The following EIF2AK4 variants were observed in gnomAD, a reference collection of about 807,000 sequenced individuals.
The protein encoded by EIF2AK4 is eukaryotic translation initiation factor 2 alpha kinase 4.
Under a neutral mutation model 211.1 loss-of-function variants are expected in EIF2AK4, and 139 were observed. That is an observed-to-expected ratio of 0.66 (90% CI 0.57 to 0.76). EIF2AK4 has a LOEUF of 0.76. Among genes scored for constraint, EIF2AK4 ranks in the 30% least tolerant of loss-of-function variants. EIF2AK4 has a pLI of 0.00. For synonymous variants in EIF2AK4, 710 were observed against 751.3 expected (o/e 0.94, Z 0.90); for missense variants, 1,664 against 2,043.8 (o/e 0.81, Z 3.58).
intron 15 of EIF2AK4, 66 bp downstream of exon 15, chr15:39,988,171 A>G: frequency 6.4e-7 from 1 of 1,570,754 alleles, no homozygotes; most frequent in Non-Finnish European, 8.7e-7. Context: ...GCATAAAAAT[A>G]TCAAATGTAA....
In EIF2AK4 at chr15:40,008,196, G is replaced by T. The variant is rs756902589; in HGVS notation, c.3576+1G>T. 2.5e-6 allele frequency: 4 copies of T among 1,585,184 alleles called. No individual in the cohort carries two copies. Among genetic ancestry groups the T allele is most frequent in the Non-Finnish European group, 3.4e-6 (4 of 1,168,650 alleles). On this transcript the variant is annotated splice_donor_variant, in intron 25 of 38. Coordinates refer to ENST00000263791, the MANE Select transcript of EIF2AK4 (RefSeq NM_001013703.4). LOFTEE classifies it high-confidence loss of function. The stretch of plus-strand genomic sequence containing the variant: ...CATCCAAGAGTTTCCAGCACTTCAG[G>T]TTCCTTTCCATATTTTAACATTCCA...
chr15:39,970,381 CA>C (rs1248977130), intron 9 of EIF2AK4, among the ~76,000 whole-genome samples: 1 of 152,136 alleles, frequency 6.6e-6, no homozygotes, highest in Non-Finnish European at 1.5e-5. Context: ...AGTTGAGTTA[CA>C]GTTGATAACG....
chr15:39,943,614 TTAA>T (rs2034179890), intron 3 of EIF2AK4, 129 bp downstream of exon 3: 1 of 710,160 alleles, frequency 1.4e-6, no homozygotes, highest in Non-Finnish European at 2.3e-6. Flanking sequence ...TTTTATTTAT[TTAA>T]TAGGATTAAT....
intron 3 of EIF2AK4, among the ~76,000 whole-genome samples, chr15:39,948,627 A>G (rs2034262337): frequency 6.6e-6 from 1 of 152,184 alleles, no homozygotes; most frequent in Non-Finnish European, 1.5e-5. Context: ...AGGCCTTTAA[A>G]TATTTGCCTC....
chr15:39,946,874 A>G (rs933055973), intron 3 of EIF2AK4: 4 of 558,292 alleles, frequency 7.2e-6, no homozygotes, highest in Non-Finnish European at 1.3e-5. Context: ...TTTTAGCAAT[A>G]AAGTATTTTA....
chr15:40,017,277 T>C, intron 29 of EIF2AK4, 35 bp downstream of exon 29: 1 of 1,569,074 alleles, frequency 6.4e-7, no homozygotes, highest in South Asian at 1.1e-5. Flanking sequence ...TGCTCTGACT[T>C]AATTTTATTT....
chr15:39,994,221 G>A (rs1465703498), intron 18 of EIF2AK4, among the ~76,000 whole-genome samples: 2 of 152,240 alleles, frequency 1.3e-5, no homozygotes, highest in Non-Finnish European at 2.9e-5. Context: ...GTGAGAATCA[G>A]AAGGATAAAT....
chr15:40,022,715 T>C (rs2035408500), intron 32 of EIF2AK4, 110 bp downstream of exon 32: 2 of 848,820 alleles, frequency 2.4e-6, no homozygotes, highest in African/African-American at 1.8e-5. Context: ...CCGTTCCCTC[T>C]ACTCTCCCTT....
chr15:40,032,766 C>T lies in EIF2AK4; in HGVS notation c.4738C>T (p.Pro1580Ser). Residue 1580 changes from proline (P) to serine (S), a missense_variant, in exon 37 of 39, where the codon CCC becomes TCC. Physicochemically the swap from Pro to Ser is moderately conservative, Grantham distance 74. Around this residue, in one of 7 missense-constraint regions of EIF2AK4, gnomAD observed 138 missense variants for 165.1 expected, o/e 0.84. Transcript: ENST00000263791. ...SEIEILAVDLPKETILQFLSL... is the reference protein window; with the variant it reads ...SEIEILAVDLSKETILQFLSL... ...TTGTGTGTATTCACAGGTGGATCTA[C>T]CCAAAGAAACAATATTACAGTTTTT... 6.2e-7 allele frequency: 1 copy of T among 1,613,474 alleles called. No individual in the cohort carries two copies. Among genetic ancestry groups the T allele is most frequent in the South Asian group, 1.1e-5 (1 of 90,990 alleles).
intron 23 of EIF2AK4, among the ~76,000 whole-genome samples, chr15:40,004,288 C>T (rs889189704): frequency 1.2e-4 from 19 of 152,202 alleles, no homozygotes; most frequent in Admixed American, 4.6e-4. Flanking sequence ...AAGAAAAACA[C>T]ATCAGTGTAT....
At chr15:40,026,730 G>A (rs1300854171) in intron 33 of EIF2AK4, among the ~76,000 whole-genome samples, 2 of 152,124 alleles carry the variant, frequency 1.3e-5, no homozygotes, top group African/African-American at 4.8e-5. Flanking sequence ...ATAATATTTT[G>A]TCCGTGTACT....
In EIF2AK4 at chr15:39,964,986, G is replaced by A. The variant is rs369548255; in HGVS notation, c.860-700G>A. Reference sequence around the variant, plus strand: ...TAATCTATAATGATCTCGATGGCTTGTTCTCTATTTTCATATTCTTTCTGT... The same window carrying A: ...TAATCTATAATGATCTCGATGGCTTATTCTCTATTTTCATATTCTTTCTGT... On this transcript the variant is annotated intron_variant, in intron 7 of 38. Transcript: ENST00000263791. 1.6e-4 allele frequency among the ~76,000 whole-genome samples: 24 copies of A among 152,170 alleles called. No individual in the cohort carries two copies. The East Asian group carries it at 1.9e-3, about 12-fold the overall frequency.
At chr15:40,026,286 T>G (rs1367046984) in intron 33 of EIF2AK4, among the ~76,000 whole-genome samples, 197 bp downstream of exon 33, 1 of 152,026 alleles carries the variant, frequency 6.6e-6, no homozygotes, top group African/African-American at 2.4e-5. Flanking sequence ...AAGACCCCAT[T>G]TCTAAAAAAA....
At chr15:40,007,293 C>G (rs1278582856) in intron 24 of EIF2AK4, among the ~76,000 whole-genome samples, 1 of 152,188 alleles carries the variant, frequency 6.6e-6, no homozygotes, top group Non-Finnish European at 1.5e-5. Flanking sequence ...CATGTTCCCA[C>G]AGTCTATTCT....
rs375593874 is a variant in EIF2AK4 at position 40,011,339 on chromosome 15, C to G, written c.3752C>G (p.Ser1251Cys). Residue 1251 changes from serine to cysteine, a missense_variant, in exon 27 of 39, where the codon TCT becomes TGT. This residue lies in a region of EIF2AK4 where 622 missense variants were observed against 796.8 expected (regional missense o/e 0.78). Transcript: ENST00000263791. ...EAKFCNLSLS[S>C]NSLCRLYKFI... ...AAATTTTGTAATCTGTCTTTGTCTT[C>G]TAATAGTGTAAGTACCTTCTAATGG... 2.3e-4 allele frequency: 374 copies of G among 1,611,448 alleles called. 5 individuals carry two copies. The South Asian group carries it at 3.3e-3, about 14-fold the overall frequency.
At chr15:40,018,945 C>G in intron 29 of EIF2AK4, 148 bp from the exon 30 acceptor site, 1 of 649,334 alleles carries the variant, frequency 1.5e-6, no homozygotes, top group Non-Finnish European at 2.7e-6. Flanking sequence ...GTGCTTGCTT[C>G]TCTATTTTAC....
chr15:39,947,474 A>T (rs1158174814), intron 3 of EIF2AK4, among the ~76,000 whole-genome samples: 1 of 152,172 alleles, frequency 6.6e-6, no homozygotes, highest in Non-Finnish European at 1.5e-5. Flanking sequence ...TATTTTTTCA[A>T]ATTTGTAAAG....
At chr15:40,012,861 A>T (rs1056460047) in intron 27 of EIF2AK4, among the ~76,000 whole-genome samples, 33 of 152,216 alleles carry the variant, frequency 2.2e-4, no homozygotes, top group African/African-American at 7.7e-4. Context: ...TACTTTGATT[A>T]TTTTAAAATG....
chr15:40,030,589 A>G, intron 35 of EIF2AK4, 133 bp downstream of exon 35: 1 of 895,552 alleles, frequency 1.1e-6, no homozygotes, highest in South Asian at 1.8e-5. Flanking sequence ...TTTTCTTCCA[A>G]CTTGCCTAAC....
Sources: allele counts gnomAD v4.1 joint callset (sites outside exome capture counted in the v4.1 genomes callset), GRCh38; gene constraint gnomAD v4.1.1; regional missense constraint gnomAD v4.1.1; transcripts MANE v1.5; gene names NCBI Gene and HGNC (gene_info 2026-07-23, HGNC 2026-07-21).